The following NR2F1-AS1 variants were observed in gnomAD, a reference collection of about 807,000 sequenced individuals.
The protein encoded by NR2F1-AS1 is NR2F1 regulatory antisense RNA 1.
At chr5:93,501,770 C>A (rs1382032832) in intron 4 of NR2F1-AS1, among the ~76,000 whole-genome samples, 1 of 152,192 alleles carries the variant, frequency 6.6e-6, no homozygotes, top group Non-Finnish European at 1.5e-5. Flanking sequence ...GTTGATAAAG[C>A]AGCAGCAGGG....
rs544346082 is a variant in NR2F1-AS1 at position 93,522,626 on chromosome 5, G to A, written n.638+31135C>T. The stretch of plus-strand genomic sequence containing the variant: ...TCAACGCAGAAGGCGGGTGACTTCT[G>A]CATTTTCAACTGAGGTATGCAGCTC... On this transcript the variant is annotated intron_variant and non_coding_transcript_variant, in intron 4 of 5. Coordinates refer to ENST00000660523, the Ensembl canonical transcript of NR2F1-AS1. Among the ~76,000 whole-genome samples the A allele has an allele frequency of 2.6e-5, 4 of 152,312 alleles. 1 individual carries two copies. The South Asian group carries it at 8.3e-4, about 32-fold the overall frequency.
intron 4 of NR2F1-AS1, among the ~76,000 whole-genome samples, chr5:93,490,553 G>A (rs1750815039): frequency 6.6e-6 from 1 of 151,116 alleles, no homozygotes; most frequent in South Asian, 2.1e-4. Context: ...GGTGGTGGTG[G>A]TCATGGTGGT....
At chr5:93,467,543 T>C (rs1278763978) in intron 4 of NR2F1-AS1, among the ~76,000 whole-genome samples, 1 of 152,230 alleles carries the variant, frequency 6.6e-6, no homozygotes, top group South Asian at 2.1e-4. Flanking sequence ...TCCCAACTAC[T>C]GCCATCAAAA....
intron 4 of NR2F1-AS1, among the ~76,000 whole-genome samples, chr5:93,458,495 A>C: frequency 6.6e-6 from 1 of 152,220 alleles, no homozygotes; most frequent in East Asian, 1.9e-4. Flanking sequence ...GTGTAAGATA[A>C]GCATATAATG....
chr5:93,424,024 C>T (rs1477096984), intron 4 of NR2F1-AS1, among the ~76,000 whole-genome samples: 1 of 152,166 alleles, frequency 6.6e-6, no homozygotes, highest in African/African-American at 2.4e-5. Flanking sequence ...CACAGATCCC[C>T]TCCACTCCCA....
At chr5:93,491,630 G>A (rs530736040) in intron 4 of NR2F1-AS1, among the ~76,000 whole-genome samples, 1 of 152,142 alleles carries the variant, frequency 6.6e-6, no homozygotes, top group Non-Finnish European at 1.5e-5. Flanking sequence ...AATATGGGCA[G>A]GTATCTTCCA....
intron 4 of NR2F1-AS1, among the ~76,000 whole-genome samples, chr5:93,426,893 C>T (rs541406701): frequency 1.3e-5 from 2 of 152,136 alleles, no homozygotes; most frequent in Non-Finnish European, 2.9e-5. Context: ...AAGTTCCCCC[C>T]CTCCCGCCAA....
intron 4 of NR2F1-AS1, among the ~76,000 whole-genome samples, chr5:93,527,652 T>C (rs1041828480): frequency 3.9e-5 from 6 of 152,076 alleles, no homozygotes; most frequent in African/African-American, 9.7e-5. Context: ...AACAGAGATA[T>C]AGACCAATGG....
Position 93,470,489 on chromosome 5 carries a change from T to C in NR2F1-AS1, n.639-74947A>G, listed in dbSNP as rs573062326. Among the ~76,000 whole-genome samples the C allele has an allele frequency of 2.6e-5, 4 of 151,938 alleles. No individual in the cohort carries two copies. The South Asian group carries it at 6.2e-4, about 24-fold the overall frequency. On this transcript the variant is annotated intron_variant and non_coding_transcript_variant, in intron 4 of 5. Coordinates refer to ENST00000660523, the Ensembl canonical transcript of NR2F1-AS1. ...TAAATGCAGCTAACCAAGAGAAAAATATCTAAACAACTCTCAGAAGTAGCA... is the reference window on the plus strand; with the variant it reads ...TAAATGCAGCTAACCAAGAGAAAAACATCTAAACAACTCTCAGAAGTAGCA...
intron 4 of NR2F1-AS1, among the ~76,000 whole-genome samples, chr5:93,517,649 A>C (rs1751424783): frequency 6.6e-6 from 1 of 152,092 alleles, no homozygotes. Flanking sequence ...AAAAGAATGA[A>C]GTAGGTACTT....
chr5:93,564,631 A>G (rs1292376739), intron 1 of NR2F1-AS1, among the ~76,000 whole-genome samples: 2 of 152,258 alleles, frequency 1.3e-5, no homozygotes, highest in Admixed American at 6.5e-5. Flanking sequence ...ATTTTCCAAC[A>G]GAAGGTCATT....
rs1580277671 is a variant in NR2F1-AS1, at chr5:93,497,212, C to G, written n.638+56549G>C. Reference sequence around the variant, plus strand: ...AAAAGCTAGCTTTCTGATTGAGTTTCCATAAATGCAATGTGAAGGACGTGC... The same window carrying G: ...AAAAGCTAGCTTTCTGATTGAGTTTGCATAAATGCAATGTGAAGGACGTGC... On this transcript the variant is annotated intron_variant and non_coding_transcript_variant, in intron 4 of 5. Coordinates refer to ENST00000660523, the Ensembl canonical transcript of NR2F1-AS1. Among the ~76,000 whole-genome samples the G allele has an allele frequency of 2.0e-5, 3 of 151,996 alleles. No individual in the cohort carries two copies. In the East Asian group the frequency reaches 5.8e-4, roughly 29 times the overall value.
chr5:93,475,072 C>T (rs866089797), intron 4 of NR2F1-AS1, among the ~76,000 whole-genome samples: 25 of 148,362 alleles, frequency 1.7e-4, no homozygotes, highest in South Asian at 4.2e-4. Flanking sequence ...TGCAGTGAGC[C>T]GAGATTGTGC....
chr5:93,484,481 C>A (rs1431432536), intron 4 of NR2F1-AS1, among the ~76,000 whole-genome samples: 1 of 152,150 alleles, frequency 6.6e-6, no homozygotes, highest in African/African-American at 2.4e-5. Flanking sequence ...AAACTGGTAC[C>A]AGCCAATATA....
At chr5:93,491,131 A>T (rs1273486204) in intron 4 of NR2F1-AS1, among the ~76,000 whole-genome samples, 2 of 140,370 alleles carry the variant, frequency 1.4e-5, no homozygotes, top group African/African-American at 5.4e-5. Flanking sequence ...TGGTGGTGGT[A>T]GTCCCGGTAA....
At chr5:93,480,017 A>G (rs1750567856) in intron 4 of NR2F1-AS1, among the ~76,000 whole-genome samples, 1 of 152,122 alleles carries the variant, frequency 6.6e-6, no homozygotes, top group Non-Finnish European at 1.5e-5. Flanking sequence ...GAAGCAAAAT[A>G]AACAGAGTCT....
chr5:93,573,323 G>A (rs1752819049), intron 1 of NR2F1-AS1, among the ~76,000 whole-genome samples: 1 of 152,168 alleles, frequency 6.6e-6, no homozygotes, highest in African/African-American at 2.4e-5. Context: ...GAGGTGCTGT[G>A]GGGATGCAGG....
At chr5:93,425,960 A>G (rs2149844531) in intron 4 of NR2F1-AS1, among the ~76,000 whole-genome samples, 1 of 152,288 alleles carries the variant, frequency 6.6e-6, no homozygotes, top group African/African-American at 2.4e-5. Flanking sequence ...TCCCTGGGAT[A>G]TGCCTACATT....
chr5:93,420,500 G>A (rs892410256), intron 4 of NR2F1-AS1, among the ~76,000 whole-genome samples: 2 of 152,108 alleles, frequency 1.3e-5, no homozygotes, highest in African/African-American at 4.8e-5. Flanking sequence ...AACAGTGAAT[G>A]GTGAAAAGGC....
Sources: gnomAD v4.1 joint callset for allele counts (sites outside exome capture counted in the v4.1 genomes callset) on GRCh38, gnomAD v4.1.1 for gene constraint, MANE v1.5 for transcripts, NCBI Gene and HGNC (gene_info 2026-07-23, HGNC 2026-07-21) for gene names.